Variants in AMZ1 observed in about 807,000 individuals in gnomAD.
AMZ1 encodes archaelysin family metallopeptidase 1, also known as archaemetzincin-1.
In AMZ1, 39 loss-of-function variants were observed where a neutral mutation model predicts 29.9. The ratio of observed to expected loss-of-function variants is 1.30; its 90% confidence interval spans 1.01 to 1.70. The LOEUF is 1.70. AMZ1 is among the 40% of genes most tolerant of loss of function. The probability of loss-of-function intolerance (pLI) is 0.00; values close to 1 mark genes in which losing one functional copy is unlikely to be tolerated. For missense variants in AMZ1, 1,041 were observed against 680.6 expected (o/e 1.53, Z -5.89); for synonymous variants, 458 against 304.0 (o/e 1.51, Z -5.27).
At chr7:2,694,169 G>C (rs892474760) in intron 1 of AMZ1, among the ~76,000 whole-genome samples, 24 of 152,204 alleles carry the variant, frequency 1.6e-4, no homozygotes, top group Non-Finnish European at 4.4e-5. Context: ...AAGGTGGACT[G>C]CCCTCCCCAA....
chr7:2,726,089 C>T (rs4722006), intron 4 of AMZ1, among the ~76,000 whole-genome samples: 70,643 of 152,136 alleles, frequency 0.46, 17,179 homozygotes, highest in African/African-American at 0.6. Context: ...TCCTGAATTT[C>T]AAGCAATCAT....
intron 4 of AMZ1, among the ~76,000 whole-genome samples, chr7:2,755,198 G>A (rs1426319112): frequency 6.6e-6 from 1 of 152,224 alleles, no homozygotes; most frequent in Non-Finnish European, 1.5e-5. Flanking sequence ...ATCAGGGAGA[G>A]TGGCCCCTCC....
At chr7:2,763,432 G>C (rs150007631), upstream of AMZ1, 379 of 152,488 alleles carry the variant, frequency 2.5e-3, 2 homozygotes, top group Middle Eastern at 0.01. Flanking sequence ...CCTGCCAAAC[G>C]CCTGGAGCAA....
At chr7:2,758,530 A>T (rs1791407947) in intron 4 of AMZ1, among the ~76,000 whole-genome samples, 1 of 152,014 alleles carries the variant, frequency 6.6e-6, no homozygotes, top group Admixed American at 6.6e-5. Flanking sequence ...GATGGAACGT[A>T]TCTCCTGTGA....
chr7:2,702,603 A>C (rs1240764512), intron 2 of AMZ1, 119 bp from the exon 3 acceptor site: 1 of 1,169,784 alleles, frequency 8.5e-7, no homozygotes, highest in African/African-American at 1.6e-5. Flanking sequence ...GCTTGCTGTC[A>C]GGGTAGGTCC....
upstream of AMZ1, chr7:2,762,655 G>T (rs750871742): frequency 6.3e-7 from 1 of 1,599,018 alleles, no homozygotes; most frequent in Non-Finnish European, 8.5e-7. Flanking sequence ...GCGGCAGGAC[G>T]ATGAGAGGAT....
chr7:2,689,205 A>G (rs530029151), intron 1 of AMZ1, among the ~76,000 whole-genome samples: 3 of 152,348 alleles, frequency 2.0e-5, no homozygotes, highest in African/African-American at 4.8e-5. Flanking sequence ...CATTCAGAAT[A>G]GCGAGAATCA....
chr7:2,697,842 AAAG>A (rs1360823525), intron 1 of AMZ1, among the ~76,000 whole-genome samples: 2 of 152,130 alleles, frequency 1.3e-5, no homozygotes, highest in African/African-American at 4.8e-5. Flanking sequence ...ATATTTGGAG[AAAG>A]AAGTTATAGA....
rs568074613 is a variant in AMZ1, at chr7:2,690,805, C to A, written c.-219+2509C>A. ...TTGGCAGTTTGGGCCCAAGTCACACCTGGAACCAATGTGGTAGGGCTTGTG... is the reference window on the plus strand; with the variant it reads ...TTGGCAGTTTGGGCCCAAGTCACACATGGAACCAATGTGGTAGGGCTTGTG... On this transcript the variant is annotated intron_variant, in intron 1 of 6. Coordinates refer to ENST00000683327, the MANE Select transcript of AMZ1 (RefSeq NM_001384743.1). 2.2e-4 allele frequency among the ~76,000 whole-genome samples: 33 copies of A among 152,176 alleles called. No individual in the cohort carries two copies. The South Asian group carries it at 6.6e-3, about 31-fold the overall frequency.
chr7:2,709,048 A>G (rs369383324), intron 4 of AMZ1, 27 bp from the exon 5 acceptor site: 110 of 1,542,042 alleles, frequency 7.1e-5, no homozygotes, highest in Non-Finnish European at 1.4e-5. Context: ...GACCCCTGAG[A>G]GTGCCCTTCT....
rs1340939770 is a variant in AMZ1, at chr7:2,696,549, A to AC, written c.-218-3683dup. Among the ~76,000 whole-genome samples, 3 of 149,194 alleles carry AC rather than the reference A, an allele frequency of 2.0e-5. No individual in the cohort carries two copies. The South Asian group carries it at 6.7e-4, about 33-fold the overall frequency. On this transcript the variant is annotated intron_variant, in intron 1 of 6. Coordinates refer to ENST00000683327, the MANE Select transcript of AMZ1 (RefSeq NM_001384743.1). ...TGTGATTACAGGCGTGAGCCACCGC[A>AC]CCTGGCCAATAGTCATTTTTATCTG...
rs755457103 is a variant in AMZ1 at position 2,712,519 on chromosome 7, G to A, written c.1138G>A (p.Gly380Arg). 4 of 1,608,348 alleles carry A rather than the reference G, an allele frequency of 2.5e-6. No individual in the cohort carries two copies. The Admixed American group carries it at 6.7e-5, about 27-fold the overall frequency. Residue 380 changes from glycine (G) to arginine (R), a missense_variant, in exon 7 of 7, where the codon GGG becomes AGG. Gly to Arg is a moderately radical substitution (Grantham distance 125, BLOSUM62 -2). Transcript: ENST00000683327. ...TGCCGGGAGTCACACCTTCGCCTCG[G>A]GGCCAGAGGAAGGGCTGAGCTACCT... Reference protein sequence around the residue: ...PDAGSHTFASGPEEGLSYLAA... With the variant: ...PDAGSHTFASRPEEGLSYLAA...
In AMZ1 at chr7:2,719,066, C is replaced by T. The variant is rs1346606094; in HGVS notation, c.*6188C>T. ...GAGATCAAACTTCTACCACATTCTA[C>T]CTGTGCCCTTCTGGGTGGGTGGTGG... On this transcript the variant is annotated 3_prime_UTR_variant, in exon 7 of 7. Coordinates refer to ENST00000683327, the MANE Select transcript of AMZ1 (RefSeq NM_001384743.1). 6.6e-6 allele frequency among the ~76,000 whole-genome samples: 1 copy of T among 151,382 alleles called. No individual in the cohort carries two copies. The highest frequency in any genetic ancestry group is 1.9e-4 in the East Asian group (1 of 5,154).
downstream of AMZ1, among the ~76,000 whole-genome samples, chr7:2,723,576 G>A (rs550856936): frequency 2.0e-5 from 3 of 152,312 alleles, no homozygotes; most frequent in Admixed American, 1.3e-4. Flanking sequence ...GAGGAGGAGG[G>A]GTGCCACAGT....
upstream of AMZ1, among the ~76,000 whole-genome samples, chr7:2,761,374 C>T (rs1791547001): frequency 1.3e-5 from 2 of 152,242 alleles, no homozygotes; most frequent in South Asian, 4.1e-4. Context: ...GCTGTGATTT[C>T]CCTGAAACCA....
chr7:2,757,434 G>A (rs1443873428), intron 4 of AMZ1, among the ~76,000 whole-genome samples: 6 of 152,148 alleles, frequency 3.9e-5, no homozygotes, highest in Non-Finnish European at 8.8e-5. Flanking sequence ...GGAAGTGAGG[G>A]CACCCCTAGG....
chr7:2,693,213 T>C (rs1311237636), intron 1 of AMZ1, among the ~76,000 whole-genome samples: 1 of 151,496 alleles, frequency 6.6e-6, no homozygotes, highest in Admixed American at 6.6e-5. Flanking sequence ...GCAATTCTTC[T>C]GAGTAGCTGG....
rs1168509697 is a variant in AMZ1 at position 2,733,837 on chromosome 7, G to A, written n.550+24021G>A. On this transcript the variant is annotated intron_variant and non_coding_transcript_variant, in intron 4 of 4. Transcript: ENST00000489665. Reference sequence around the variant, plus strand: ...AAGGCTGGCCCACTCCTGGCCATGCGGCCAGCAAAGGACAGGCTAGAATAG... The same window carrying A: ...AAGGCTGGCCCACTCCTGGCCATGCAGCCAGCAAAGGACAGGCTAGAATAG... 2.0e-5 allele frequency among the ~76,000 whole-genome samples: 3 copies of A among 152,306 alleles called. No homozygotes were observed. The East Asian group carries it at 5.8e-4, about 29-fold the overall frequency.
Position 2,700,697 on chromosome 7 carries a change from C to T in AMZ1, c.246C>T (p.Ala82=). ...CCGAGGACTTCCAGACCTTCCACGC[C>T]TCCCTGCAGCACCGGAAGCCCCGCC... ...EAPEDFQTFH[A]SLQHRKPRLA... is the part of the protein sequence containing the mutation. Residue 82 remains alanine (A), a synonymous_variant, in exon 2 of 7, where the codon GCC becomes GCT. Coordinates refer to ENST00000683327, the MANE Select transcript of AMZ1 (RefSeq NM_001384743.1). The T allele has an allele frequency of 3.1e-6, 5 of 1,613,172 alleles. No homozygotes were observed. Among genetic ancestry groups the T allele is most frequent in the Non-Finnish European group, 4.2e-6 (5 of 1,180,034 alleles).
Sources: gnomAD v4.1 joint callset for allele counts (sites outside exome capture counted in the v4.1 genomes callset) on GRCh38, gnomAD v4.1.1 for gene constraint, MANE v1.5 for transcripts, NCBI Gene and HGNC (gene_info 2026-07-23, HGNC 2026-07-21) for gene names.